Variants in USP34 observed in about 807,000 individuals in gnomAD.
USP34 encodes the protein ubiquitin carboxyl-terminal hydrolase 34.
USP34 carries 70 observed loss-of-function variants against 460.3 expected under a neutral mutation model. The observed-to-expected ratio is 0.15, with a 90% CI of 0.13 to 0.19. USP34 has a LOEUF of 0.19. USP34 is among the 10% of genes least tolerant of loss of function. The pLI is 1.00. For missense variants in USP34, 3,985 were observed against 4,236.2 expected (o/e 0.94, Z 1.65); for synonymous variants, 1,647 against 1,405.3 (o/e 1.17, Z -3.85).
rs554748914 is a variant in USP34 at position 61,416,664 on chromosome 2, T to A, written c.131+4082A>T. On this transcript the variant is annotated intron_variant, in intron 2 of 79. Transcript: ENST00000398571. ...TCCTTTGCAGATCCGTATATTCCCT[T>A]TCCCTAATTTAGTCTTGAATTTATT... Among the ~76,000 whole-genome samples the A allele has an allele frequency of 2.0e-5, 3 of 152,322 alleles. No homozygotes were observed. The East Asian group carries it at 5.8e-4, about 29-fold the overall frequency.
chr2:61,470,628 G>C (rs772468386), intron 1 of USP34, 22 bp downstream of exon 1: 1 of 1,570,622 alleles, frequency 6.4e-7, no homozygotes, highest in South Asian at 1.1e-5. Flanking sequence ...CACCCCGACA[G>C]GCCGCTACCG....
intron 67 of USP34, among the ~76,000 whole-genome samples, chr2:61,218,947 C>G (rs1442602855): frequency 6.6e-6 from 1 of 152,198 alleles, no homozygotes; most frequent in Non-Finnish European, 1.5e-5. Flanking sequence ...CCTCCACACC[C>G]CATTCCTTGG....
intron 10 of USP34, among the ~76,000 whole-genome samples, chr2:61,360,304 C>T (rs934495853): frequency 6.6e-6 from 1 of 151,968 alleles, no homozygotes; most frequent in Admixed American, 6.6e-5. Context: ...CTTACAACTC[C>T]ACAACAACAG....
At chr2:61,229,497 C>T (rs1558478277) in intron 59 of USP34, 51 bp downstream of exon 59, 2 of 874,432 alleles carry the variant, frequency 2.3e-6, no homozygotes, top group Non-Finnish European at 3.3e-6. Context: ...AACAAAAACA[C>T]CACACACACA....
At chr2:61,392,117 T>C (rs1202104731) in intron 5 of USP34, among the ~76,000 whole-genome samples, 2 of 152,148 alleles carry the variant, frequency 1.3e-5, no homozygotes, top group African/African-American at 2.4e-5. Context: ...CCTTTGTATT[T>C]AGTAAAGGAT....
At chr2:61,229,106 A>G (rs966726892) in intron 59 of USP34, 111 bp from the exon 60 acceptor site, 2 of 767,668 alleles carry the variant, frequency 2.6e-6, no homozygotes, top group African/African-American at 3.5e-5. Context: ...GATAATGAAT[A>G]TGAACCGCAA....
At chr2:61,416,526 C>A (rs1694199036) in intron 2 of USP34, among the ~76,000 whole-genome samples, 1 of 151,998 alleles carries the variant, frequency 6.6e-6, no homozygotes, top group South Asian at 2.1e-4. Flanking sequence ...AAGATATAAA[C>A]CTAACTCAGT....
intron 53 of USP34, among the ~76,000 whole-genome samples, chr2:61,240,534 TC>T (rs1428809308): frequency 6.6e-6 from 1 of 151,830 alleles, no homozygotes; most frequent in Non-Finnish European, 1.5e-5. Context: ...CGCCTCGGCC[TC>T]CCAAAGTGCT....
chr2:61,403,319 A>G (rs1693775369), intron 3 of USP34, among the ~76,000 whole-genome samples: 1 of 152,208 alleles, frequency 6.6e-6, no homozygotes. Flanking sequence ...TTTTAGAAGC[A>G]GCAGACTCAG....
At chr2:61,191,621 C>G (rs1439631507) in intron 76 of USP34, among the ~76,000 whole-genome samples, 2 of 152,062 alleles carry the variant, frequency 1.3e-5, no homozygotes, top group Admixed American at 1.3e-4. Flanking sequence ...CTTTGGAGGC[C>G]TTATATGGTT....
intron 5 of USP34, among the ~76,000 whole-genome samples, chr2:61,389,205 C>T (rs926776746): frequency 2.6e-5 from 4 of 152,052 alleles, no homozygotes; most frequent in African/African-American, 4.8e-5. Context: ...TAGTTAGTGG[C>T]CTGAGGACTC....
chr2:61,199,735 G>A (rs1686914341), intron 75 of USP34, among the ~76,000 whole-genome samples: 1 of 152,078 alleles, frequency 6.6e-6, no homozygotes, highest in Admixed American at 6.6e-5. Context: ...TATGTTTGTT[G>A]AGGCTATTTA....
intron 27 of USP34, among the ~76,000 whole-genome samples, chr2:61,310,383 C>G (rs1027489270): frequency 1.3e-5 from 2 of 152,006 alleles, no homozygotes; most frequent in Non-Finnish European, 2.9e-5. Context: ...CAAGTTATTA[C>G]TATATAGTGA....
intron 25 of USP34, 59 bp downstream of exon 25, chr2:61,314,526 T>G: frequency 7.4e-7 from 1 of 1,351,934 alleles, no homozygotes; most frequent in Non-Finnish European, 9.7e-7. Flanking sequence ...AGAATATTTC[T>G]GGATATGTCA....
chr2:61,188,768 G>A (rs1057431377), intron 79 of USP34, 59 bp from the exon 80 acceptor site: 52 of 1,578,172 alleles, frequency 3.3e-5, no homozygotes, highest in Non-Finnish European at 3.9e-5. Flanking sequence ...TCACGTTAGG[G>A]GGGGATGTGG....
At position 61,223,067 on chromosome 2, in the gene USP34, G is replaced by T. The variant is rs753201888; in HGVS notation, c.7742C>A (p.Ala2581Glu). 1 of 1,612,026 alleles carries T rather than the reference G, an allele frequency of 6.2e-7. No homozygotes were observed. Among genetic ancestry groups the T allele is most frequent in the Admixed American group, 1.7e-5 (1 of 59,882 alleles). ...CTGTTCCTTAGCACTTACATGTTCTGCAAGTCGATTATTGTATCGACACAG... is the reference window on the plus strand; with the variant it reads ...CTGTTCCTTAGCACTTACATGTTCTTCAAGTCGATTATTGTATCGACACAG... Reference protein sequence around the residue: ...FSLCRYNNRLAEHIVSMLFTS... With the variant: ...FSLCRYNNRLEEHIVSMLFTS... The change falls in exon 64 of 80, where the codon GCA (alanine) becomes GAA (glutamate). Residue 2581 changes from alanine to glutamate, a missense_variant. Ala to Glu is a moderately radical substitution (Grantham distance 107, BLOSUM62 -1). Transcript: ENST00000398571.
At chr2:61,394,632 G>C (rs956127820) in intron 5 of USP34, among the ~76,000 whole-genome samples, 1 of 151,020 alleles carries the variant, frequency 6.6e-6, no homozygotes, top group African/African-American at 2.4e-5. Context: ...ATTATAGATA[G>C]TCATGACCCC....
intron 10 of USP34, 68 bp from the exon 11 acceptor site, chr2:61,350,761 A>C: frequency 1.3e-6 from 2 of 1,503,486 alleles, no homozygotes; most frequent in African/African-American, 1.4e-5. Context: ...CCTGATATAA[A>C]AACAGTTTGA....
rs188531484 is a variant in USP34, at chr2:61,459,242, A to T, written c.43+11408T>A. Among the ~76,000 whole-genome samples, 73 of 152,338 alleles carry T rather than the reference A, an allele frequency of 4.8e-4. No homozygotes were observed. The Middle Eastern group carries it at 0.017, about 35-fold the overall frequency. On this transcript the variant is annotated intron_variant, in intron 1 of 79. Coordinates refer to ENST00000398571, the MANE Select transcript of USP34 (RefSeq NM_014709.4). ...TAGTGAAAAGTACAGAGAAGAAATA[A>T]GCACAACTAAATTCTAGTCCTACCC...
Sources: allele counts gnomAD v4.1 joint callset (sites outside exome capture counted in the v4.1 genomes callset), GRCh38; gene constraint gnomAD v4.1.1; transcripts MANE v1.5; gene names NCBI Gene and HGNC (gene_info 2026-07-23, HGNC 2026-07-21).